The following ZMYM2 variants were observed in gnomAD, a reference collection of about 807,000 sequenced individuals.
ZMYM2 encodes the protein zinc finger MYM-type containing 2, also known as zinc finger MYM-type protein 2.
In ZMYM2, 56 loss-of-function variants were observed where a neutral mutation model predicts 162.8. That is an observed-to-expected ratio of 0.34 (90% CI 0.28 to 0.43). The LOEUF (loss-of-function observed/expected upper bound fraction) is 0.43, where lower values mean the gene tolerates loss of function less well. Among genes scored for constraint, ZMYM2 ranks in the 20% least tolerant of loss-of-function variants. ZMYM2 has a pLI of 1.00. For missense variants in ZMYM2, 1,275 were observed against 1,621.8 expected (o/e 0.79, Z 3.67); for synonymous variants, 510 against 541.6 (o/e 0.94, Z 0.81).
the ZMYM2 span, among the ~76,000 whole-genome samples, chr13:19,870,109 G>A: frequency 0.11 from 16,290 of 152,162 alleles, 1,001 homozygotes; most frequent in Middle Eastern, 0.14. Context: ...CTATTAGCAC[G>A]AGGCTTCAGC....
the ZMYM2 span, among the ~76,000 whole-genome samples, chr13:19,933,431 T>C: frequency 6.6e-6 from 1 of 152,232 alleles, no homozygotes; most frequent in Non-Finnish European, 1.5e-5. Flanking sequence ...TATTCTATTA[T>C]TATATCACAT....
chr13:19,883,837 A>AC, the ZMYM2 span, among the ~76,000 whole-genome samples: 1 of 151,662 alleles, frequency 6.6e-6, no homozygotes, highest in Non-Finnish European at 1.5e-5. Flanking sequence ...CCTCACGGCA[A>AC]CCCCCACCTC....
At chr13:19,910,223 T>C in the ZMYM2 span, among the ~76,000 whole-genome samples, 1 of 151,390 alleles carries the variant, frequency 6.6e-6, no homozygotes, top group African/African-American at 2.4e-5. Flanking sequence ...CGAAACTCTG[T>C]CTTAAAAAAA....
chr13:20,031,865 G>GTT (rs10642086), intron 10 of ZMYM2, among the ~76,000 whole-genome samples: 30,508 of 130,160 alleles, frequency 0.23, 5,665 homozygotes, highest in African/African-American at 0.51. Flanking sequence ...TTCTGTAATT[G>GTT]TTTTTTTTTT....
intron 21 of ZMYM2, among the ~76,000 whole-genome samples, chr13:20,075,625 A>ACATATCCG (rs778346895): frequency 1.3e-5 from 2 of 150,932 alleles, no homozygotes; most frequent in Non-Finnish European, 2.9e-5. Context: ...ATATGTGAAC[A>ACATATCCG]CATATCCGTC....
In ZMYM2 at chr13:20,006,589, A is replaced by G. The variant is rs1193400633; in HGVS notation, c.1512+3A>G. 1 of 1,613,454 alleles carries G rather than the reference A, an allele frequency of 6.2e-7. No homozygotes were observed. The highest frequency in any genetic ancestry group is 2.2e-5 in the East Asian group (1 of 44,838). ...GTTGTGTCAGTGAATACAAACAGGT[A>G]ATTCATGTTCTAATCAAAATTGGGC... On this transcript the variant is annotated splice_donor_region_variant and intron_variant, in intron 6 of 24. Transcript: ENST00000610343.
At chr13:19,865,109 T>TC in the ZMYM2 span, 1 of 152,188 alleles carries the variant, frequency 6.6e-6, no homozygotes, top group Admixed American at 6.6e-5. Flanking sequence ...TCAATGAAAA[T>TC]CAGACGTTAA....
the ZMYM2 span, among the ~76,000 whole-genome samples, chr13:19,932,328 A>C: frequency 6.6e-6 from 1 of 152,252 alleles, no homozygotes; most frequent in Admixed American, 6.6e-5. Context: ...TGAGAAGCCC[A>C]TGATCCGATT....
chr13:20,006,919 A>G lies in ZMYM2; in HGVS notation c.1512+333A>G, dbSNP rs1950786713. Among the ~76,000 whole-genome samples, 6 of 152,336 alleles carry G rather than the reference A, an allele frequency of 3.9e-5. 1 individual carries two copies. The South Asian group carries it at 1.2e-3, about 32-fold the overall frequency. ...GGTATTTTCAACTTAGAATGGGTTT[A>G]TCAGGATGTAACTCCATTCTTAGGG... On this transcript the variant is annotated intron_variant, in intron 6 of 24. Coordinates refer to ENST00000610343, the MANE Select transcript of ZMYM2 (RefSeq NM_197968.4).
At chr13:19,864,036 C>G in the ZMYM2 span, 3 of 152,398 alleles carry the variant, frequency 2.0e-5, no homozygotes, top group Non-Finnish European at 2.9e-5. Flanking sequence ...GCTGCCTGCC[C>G]TCGCCCGAGC....
At chr13:19,935,823 C>A in the ZMYM2 span, among the ~76,000 whole-genome samples, 1 of 152,028 alleles carries the variant, frequency 6.6e-6, no homozygotes, top group African/African-American at 2.4e-5. Context: ...CCACAAGTCT[C>A]AATTATCTGT....
In ZMYM2 at chr13:19,993,170, A is replaced by G. The variant is rs748068927; in HGVS notation, c.98A>G (p.Asn33Ser). The G allele has an allele frequency of 5.0e-6, 8 of 1,613,968 alleles. No homozygotes were observed. The highest frequency in any genetic ancestry group is 1.3e-5 in the African/African-American group (1 of 74,894). ...AMATSLTNVG[N>S]SFSGPANPLV... ...GCAACTAGTCTCACGAATGTAGGAA[A>G]CTCATTTAGTGGTCCAGCTAATCCT... is the stretch of plus-strand genomic sequence containing the variant. Residue 33 changes from asparagine (N) to serine (S), a missense_variant, in exon 3 of 25, where the codon AAC becomes AGC. Transcript: ENST00000610343.
At chr13:19,981,295 AAACAAAC>A (rs1204712393) in intron 2 of ZMYM2, among the ~76,000 whole-genome samples, 1 of 122,316 alleles carries the variant, frequency 8.2e-6, no homozygotes, top group Non-Finnish European at 1.6e-5. Context: ...AACAAAAAAC[AAACAAAC>A]AAAAAAAAAA....
At chr13:19,884,864 G>C in the ZMYM2 span, among the ~76,000 whole-genome samples, 1 of 152,018 alleles carries the variant, frequency 6.6e-6, no homozygotes, top group Admixed American at 6.6e-5. Flanking sequence ...ACAATTGCGG[G>C]TGCGGGTGGC....
the ZMYM2 span, among the ~76,000 whole-genome samples, chr13:19,891,030 A>G: frequency 6.6e-6 from 1 of 151,858 alleles, no homozygotes; most frequent in Non-Finnish European, 1.5e-5. Context: ...AGAAAACATG[A>G]TGTAAGGTGT....
At position 20,065,165 on chromosome 13, in the gene ZMYM2, C is replaced by T. The variant is rs1956575893; in HGVS notation, c.3132+620C>T. Reference sequence around the variant, plus strand: ...TGTGTTTCTGACTTCCAACATAAAGCAGGTTTTAAAAATACCTTAAGAAAG... The same window carrying T: ...TGTGTTTCTGACTTCCAACATAAAGTAGGTTTTAAAAATACCTTAAGAAAG... On this transcript the variant is annotated intron_variant, in intron 19 of 24. Transcript: ENST00000610343. 2.0e-5 allele frequency among the ~76,000 whole-genome samples: 3 copies of T among 151,918 alleles called. No individual in the cohort carries two copies. The South Asian group carries it at 6.2e-4, about 32-fold the overall frequency.
At chr13:19,958,185 G>T (rs1479263015), upstream of ZMYM2, among the ~76,000 whole-genome samples, 1 of 151,486 alleles carries the variant, frequency 6.6e-6, no homozygotes, top group Non-Finnish European at 1.5e-5. Flanking sequence ...AGCCCACTCG[G>T]ACCCGCTCCA....
chr13:19,885,882 CAT>C, the ZMYM2 span, among the ~76,000 whole-genome samples: 18 of 91,990 alleles, frequency 2.0e-4, 5 homozygotes, highest in African/African-American at 5.8e-4. Flanking sequence ...TGTATATACA[CAT>C]ATATATGTGT....
At chr13:19,971,265 T>G (rs1334733899) in intron 2 of ZMYM2, among the ~76,000 whole-genome samples, 2 of 62,108 alleles carry the variant, frequency 3.2e-5, no homozygotes, top group African/African-American at 8.6e-5. Flanking sequence ...TATATATATT[T>G]TTTTTTTTTT....
Sources: gnomAD v4.1 joint callset for allele counts (sites outside exome capture counted in the v4.1 genomes callset) on GRCh38, gnomAD v4.1.1 for gene constraint, MANE v1.5 for transcripts, NCBI Gene and HGNC (gene_info 2026-07-23, HGNC 2026-07-21) for gene names.